Variants in PPM1A observed in about 807,000 individuals in gnomAD.
PPM1A encodes the protein protein phosphatase, Mg2+/Mn2+ dependent 1A.
In PPM1A, 7 loss-of-function variants were observed where a neutral mutation model predicts 35.0. That is an observed-to-expected ratio of 0.20 (90% CI 0.11 to 0.38). The LOEUF (loss-of-function observed/expected upper bound fraction) is 0.38. Among genes scored for constraint, PPM1A ranks in the 10% least tolerant of loss-of-function variants. The pLI is 1.00. For missense variants in PPM1A, 239 were observed against 467.8 expected (o/e 0.51, Z 4.51); for synonymous variants, 153 against 167.3 (o/e 0.91, Z 0.66).
chr14:60,264,603 AT>A (rs1884161918), intron 1 of PPM1A, among the ~76,000 whole-genome samples: 1 of 152,166 alleles, frequency 6.6e-6, no homozygotes, highest in Non-Finnish European at 1.5e-5. Context: ...TTTGAAATAC[AT>A]TGTTGATGGG....
intron 1 of PPM1A, among the ~76,000 whole-genome samples, chr14:60,253,243 T>G: frequency 6.6e-6 from 1 of 152,186 alleles, no homozygotes; most frequent in East Asian, 1.9e-4. Context: ...TTTCTGTGGC[T>G]GATACGATTT....
rs1888238239 is a variant in PPM1A at position 60,298,595 on chromosome 14, C to A, written c.*6113C>A. On this transcript the variant is annotated 3_prime_UTR_variant, in exon 6 of 6. Coordinates refer to ENST00000395076, the MANE Select transcript of PPM1A (RefSeq NM_021003.5). Reference sequence around the variant, plus strand: ...ACCTGGTTATCCCTTGACTAAATAGCATATCTGCAGGAAAATATCTTGTTT... The same window carrying A: ...ACCTGGTTATCCCTTGACTAAATAGAATATCTGCAGGAAAATATCTTGTTT... 6.6e-6 allele frequency: 1 copy of A among 151,684 alleles called. No homozygotes were observed. The highest frequency in any genetic ancestry group is 6.6e-5 in the Admixed American group (1 of 15,210). The allele number at this position is 151,684 out of a possible 1,614,324, so 9.4% of individuals were successfully genotyped here. A position where few individuals can be genotyped will look rare whatever the true frequency, so the allele number is the denominator to read the frequency against.
intron 3 of PPM1A, among the ~76,000 whole-genome samples, chr14:60,288,727 CT>C (rs1887295949): frequency 6.6e-6 from 1 of 151,938 alleles, no homozygotes; most frequent in Admixed American, 6.6e-5. Flanking sequence ...AAGGACGAAT[CT>C]TTATACACAT....
At chr14:60,288,896 T>C (rs990713614) in intron 3 of PPM1A, among the ~76,000 whole-genome samples, 1 of 152,086 alleles carries the variant, frequency 6.6e-6, no homozygotes, top group African/African-American at 2.4e-5. Flanking sequence ...TGAATTTGCA[T>C]GTGGAGTATG....
Position 60,277,260 on chromosome 14 carries a change from AG to A in PPM1A, c.-20-5423del, listed in dbSNP as rs200767562. 3.7e-4 allele frequency: 59 copies of A among 160,626 alleles called. No homozygotes were observed. In the East Asian group the frequency reaches 0.01, roughly 28 times the overall value. 10.0% of individuals were successfully genotyped at this position (160,626 alleles called of 1,614,324 possible). A position where few individuals can be genotyped will look rare whatever the true frequency, so the allele number is the denominator to read the frequency against. On this transcript the variant is annotated intron_variant, in intron 1 of 5. Coordinates refer to ENST00000395076, the MANE Select transcript of PPM1A (RefSeq NM_021003.5). Reference sequence around the variant, plus strand: ...TGACTGTGTAAACATAGTATTTGCAAGTAAGTACTTTTTGGTATTATATTTA... The same window carrying A: ...TGACTGTGTAAACATAGTATTTGCAATAAGTACTTTTTGGTATTATATTTA...
At chr14:60,291,483 T>TC (rs1887627919) in intron 5 of PPM1A, 29 bp downstream of exon 5, 3 of 1,519,304 alleles carry the variant, frequency 2.0e-6, no homozygotes, top group Admixed American at 3.6e-5. Context: ...CCCTCTGCTT[T>TC]CCCTTCCCCT....
At chr14:60,247,284 T>C (rs976216239), upstream of PPM1A, among the ~76,000 whole-genome samples, 2 of 152,072 alleles carry the variant, frequency 1.3e-5, no homozygotes, top group African/African-American at 4.8e-5. Context: ...ACCAAATGCA[T>C]AGTGAATTTT....
intron 4 of PPM1A, among the ~76,000 whole-genome samples, chr14:60,290,754 C>T (rs1887546813): frequency 6.6e-6 from 1 of 152,018 alleles, no homozygotes; most frequent in Admixed American, 6.6e-5. Context: ...GTAAAAGCTC[C>T]TGTTTGAAGC....
rs1888175367 is a variant in PPM1A at position 60,297,891 on chromosome 14, C to A, written c.*5409C>A. On this transcript the variant is annotated 3_prime_UTR_variant, in exon 6 of 6. Transcript: ENST00000395076. ...TTACAATATTGTAGTGGTTCATGGGCCCCCTGGTTAAGAGCCCATTCTAAA... is the reference window on the plus strand; with the variant it reads ...TTACAATATTGTAGTGGTTCATGGGACCCCTGGTTAAGAGCCCATTCTAAA... 1 of 151,412 alleles carries A rather than the reference C, an allele frequency of 6.6e-6. No homozygotes were observed. Among genetic ancestry groups the A allele is most frequent in the Non-Finnish European group, 1.5e-5 (1 of 67,568 alleles). 9.4% of individuals were successfully genotyped at this position (151,412 alleles called of 1,614,324 possible).
chr14:60,259,590 A>G (rs57146808), intron 1 of PPM1A, among the ~76,000 whole-genome samples: 102 of 152,234 alleles, frequency 6.7e-4, no homozygotes, highest in African/African-American at 2.4e-3. Context: ...CTTTCTGTCT[A>G]TAGATCTGTC....
upstream of PPM1A, among the ~76,000 whole-genome samples, chr14:60,247,836 C>G (rs1881888880): frequency 6.6e-6 from 1 of 152,036 alleles, no homozygotes; most frequent in Admixed American, 6.6e-5. Flanking sequence ...GTGCAAATTG[C>G]TATAGTGAGC....
chr14:60,277,428 C>G (rs986733315), intron 1 of PPM1A: 1 of 148,782 alleles, frequency 6.7e-6, no homozygotes, highest in African/African-American at 2.5e-5. Context: ...TATTAATTTA[C>G]CCTTGACTAT....
intron 2 of PPM1A, among the ~76,000 whole-genome samples, 153 bp from the exon 3 acceptor site, chr14:60,285,471 C>T (rs553390089): frequency 3.7e-5 from 4 of 109,166 alleles, no homozygotes; most frequent in South Asian, 2.7e-4. Context: ...CACACACACA[C>T]GCACGCATGC....
intron 1 of PPM1A, among the ~76,000 whole-genome samples, chr14:60,281,420 G>T (rs1886396076): frequency 6.6e-6 from 1 of 152,156 alleles, no homozygotes; most frequent in Non-Finnish European, 1.5e-5. Flanking sequence ...CTTCCTAGGA[G>T]GATTTTCTTC....
At position 60,291,381 on chromosome 14, in the gene PPM1A, AT is replaced by A; in HGVS notation, c.1062-9del. On this transcript the variant is annotated splice_polypyrimidine_tract_variant and intron_variant, in intron 4 of 5. Transcript: ENST00000395076. ...GCTTTCTGAAGAATTAATTTTCTGC[AT>A]TTTTTTACACTTAGGAGGAATGTTA... 1.5e-5 allele frequency: 23 copies of A among 1,521,228 alleles called. No individual in the cohort carries two copies. Among genetic ancestry groups the A allele is most frequent in the Middle Eastern group, 1.7e-4 (1 of 5,740 alleles). The allele number at this position is 1,521,228 out of a possible 1,614,324, so 94.2% of individuals were successfully genotyped here.
At chr14:60,277,185 T>C in intron 1 of PPM1A, 1 of 276,780 alleles carries the variant, frequency 3.6e-6, no homozygotes, top group Non-Finnish European at 6.0e-6. Context: ...ATACGCCAAT[T>C]TAATTATTGG....
chr14:60,249,107 T>G, upstream of PPM1A: 1 of 538,598 alleles, frequency 1.9e-6, no homozygotes, highest in Non-Finnish European at 2.4e-6. This position sits in a 1 kb window ranked among gnomAD's most constrained non-coding sequence, Gnocchi z 4.5. Flanking sequence ...TCCGGGTCTC[T>G]GTAGCTGCGC....
At chr14:60,271,718 A>G (rs1595318374) in intron 1 of PPM1A, among the ~76,000 whole-genome samples, 1 of 152,238 alleles carries the variant, frequency 6.6e-6, no homozygotes, top group African/African-American at 2.4e-5. Context: ...ATTTCTTACA[A>G]GCTGGTCTTG....
Position 60,285,475 on chromosome 14 carries a change from C to G in PPM1A, c.835-149C>G, listed in dbSNP as rs75813609. ...GGGAGTCATTGCACACACACACGCA[C>G]GCATGCGTGCACATATGTATTTTTT... On this transcript the variant is annotated intron_variant, in intron 2 of 5. Transcript: ENST00000395076. 6.7e-5 allele frequency: 38 copies of G among 566,786 alleles called. No homozygotes were observed. The Admixed American group carries it at 9.6e-4, about 14-fold the overall frequency. The allele number at this position is 566,786 out of a possible 1,614,324, so 35.1% of individuals were successfully genotyped here.
Sources: gnomAD v4.1 joint callset for allele counts (sites outside exome capture counted in the v4.1 genomes callset) on GRCh38, gnomAD v4.1.1 for gene constraint, Gnocchi (gnomAD v3.1) non-coding constraint, MANE v1.5 for transcripts, NCBI Gene and HGNC (gene_info 2026-07-23, HGNC 2026-07-21) for gene names.